MRPL48: variants seen among roughly 807,000 people sequenced by gnomAD.
The protein encoded by MRPL48 is mitochondrial ribosomal protein L48, also known as large ribosomal subunit protein mL48.
Under a neutral mutation model 32.9 loss-of-function variants are expected in MRPL48, and 16 were observed. That is an observed-to-expected ratio of 0.49 (90% CI 0.33 to 0.74). The LOEUF (loss-of-function observed/expected upper bound fraction) is 0.74, where lower values mean the gene tolerates loss of function less well. MRPL48 is among the 30% of genes least tolerant of loss of function. MRPL48 has a pLI of 0.02. For missense variants in MRPL48, 206 were observed against 245.3 expected, an observed-to-expected ratio of 0.84 and a Z score of 1.07; for synonymous variants, 94 against 89.2, an observed-to-expected ratio of 1.05 and a Z score of -0.31.
chr11:73,846,986 T>G (rs1590994747), intron 5 of MRPL48, among the ~76,000 whole-genome samples: 1 of 151,294 alleles, frequency 6.6e-6, no homozygotes, highest in African/African-American at 2.4e-5. Context: ...TTTTTTTTTT[T>G]GTCTCACTCT....
chr11:73,825,626 A>T, intron 3 of MRPL48, 82 bp from the exon 4 acceptor site: 1 of 1,229,766 alleles, frequency 8.1e-7, no homozygotes, highest in Non-Finnish European at 1.1e-6. Context: ...AGCTTGGGTG[A>T]CAGAGCAAGA....
chr11:73,790,717 G>T (rs1316408638), intron 1 of MRPL48, among the ~76,000 whole-genome samples: 1 of 151,336 alleles, frequency 6.6e-6, no homozygotes, highest in African/African-American at 2.4e-5. Flanking sequence ...AGTAGAGATG[G>T]GGTCTTGCTT....
At chr11:73,824,637 G>A (rs1435876576) in intron 3 of MRPL48, among the ~76,000 whole-genome samples, 4 of 151,862 alleles carry the variant, frequency 2.6e-5, no homozygotes, top group Admixed American at 2.6e-4. Context: ...CTCTTTGCTG[G>A]CTATTTTTGC....
chr11:73,824,372 G>T (rs1344843682), intron 3 of MRPL48, among the ~76,000 whole-genome samples: 3 of 151,822 alleles, frequency 2.0e-5, no homozygotes, highest in Non-Finnish European at 4.4e-5. Flanking sequence ...GGCGAATCAT[G>T]AGGTCAGTTC....
chr11:73,802,381 C>G (rs894979094), intron 1 of MRPL48, among the ~76,000 whole-genome samples: 1 of 152,132 alleles, frequency 6.6e-6, no homozygotes, highest in African/African-American at 2.4e-5. Flanking sequence ...AATTCAGTAG[C>G]TTTTATTATA....
At chr11:73,820,904 C>G (rs971195329) in intron 3 of MRPL48, among the ~76,000 whole-genome samples, 1 of 152,144 alleles carries the variant, frequency 6.6e-6, no homozygotes, top group Non-Finnish European at 1.5e-5. Flanking sequence ...TTCACAGAGG[C>G]CTTCCCTGAT....
intron 5 of MRPL48, among the ~76,000 whole-genome samples, chr11:73,853,913 A>G (rs1044227862): frequency 2.6e-5 from 4 of 151,844 alleles, no homozygotes; most frequent in Admixed American, 2.6e-4. Context: ...GATGGTCTTG[A>G]TCTCCTGACC....
At chr11:73,795,415 G>T (rs766460300) in intron 1 of MRPL48, among the ~76,000 whole-genome samples, 1 of 151,552 alleles carries the variant, frequency 6.6e-6, no homozygotes. Context: ...TTTTTTTAAA[G>T]TATAACAGCA....
rs1947067925 is a variant in MRPL48 at position 73,787,918 on chromosome 11, G to A, written c.-54G>A. 3.7e-6 allele frequency: 6 copies of A among 1,601,362 alleles called. No homozygotes were observed. Among genetic ancestry groups the A allele is most frequent in the African/African-American group, 1.3e-5 (1 of 74,512 alleles). ...TGTTTTCAGACGCCCTGGGAACGCG[G>A]CTGCAGGGTCCGGTCTTCGGTTTGC... On this transcript the variant is annotated 5_prime_UTR_variant, in exon 1 of 8. Transcript: ENST00000310614.
intron 5 of MRPL48, among the ~76,000 whole-genome samples, chr11:73,857,031 G>A (rs1948492450): frequency 6.6e-6 from 1 of 151,986 alleles, no homozygotes; most frequent in Non-Finnish European, 1.5e-5. Context: ...TGTCCCTATA[G>A]TATTCGGCAC....
intron 5 of MRPL48, among the ~76,000 whole-genome samples, chr11:73,859,431 G>A (rs1361759803): frequency 6.6e-6 from 1 of 151,864 alleles, no homozygotes; most frequent in African/African-American, 2.4e-5. Flanking sequence ...ACAGGTGTGT[G>A]CCACCACACC....
At chr11:73,835,140 C>CTT (rs35448499) in intron 4 of MRPL48, among the ~76,000 whole-genome samples, 20,503 of 108,308 alleles carry the variant, frequency 0.19, 3,263 homozygotes, top group African/African-American at 0.38. Flanking sequence ...GCCATGTTGT[C>CTT]TTTTTTTTTT....
intron 5 of MRPL48, among the ~76,000 whole-genome samples, chr11:73,856,359 G>A (rs962375722): frequency 1.3e-5 from 2 of 152,180 alleles, no homozygotes. Flanking sequence ...GGGTAGGGAT[G>A]ATTGCCATGA....
chr11:73,817,593 G>A (rs1434807890), intron 3 of MRPL48, among the ~76,000 whole-genome samples: 4 of 152,056 alleles, frequency 2.6e-5, no homozygotes, highest in Non-Finnish European at 5.9e-5. Flanking sequence ...TTACTAGTTG[G>A]TTGAACATAT....
Position 73,863,179 on chromosome 11 carries a change from GTTT to G in MRPL48, c.483_485del (p.Leu162del), listed in dbSNP as rs1218295164. 6.3e-7 allele frequency: 1 copy of G among 1,582,024 alleles called. No homozygotes were observed. Among genetic ancestry groups the G allele is most frequent in the Non-Finnish European group, 8.6e-7 (1 of 1,163,856 alleles). On this transcript the variant is annotated inframe_deletion, in exon 7 of 8. Transcript: ENST00000310614. ...CCTTCTTTCATTTTGCAGATCAGCGGTTTGAGTGCTACGTTTGCAGAAATTTTC... is the reference window on the plus strand; with the variant it reads ...CCTTCTTTCATTTTGCAGATCAGCGGGAGTGCTACGTTTGCAGAAATTTTC...
At chr11:73,805,736 G>C (rs1010969394) in intron 2 of MRPL48, among the ~76,000 whole-genome samples, 1 of 146,810 alleles carries the variant, frequency 6.8e-6, no homozygotes, top group Admixed American at 7.0e-5. Flanking sequence ...ACAGCTCACT[G>C]TAGCCTTGAC....
At chr11:73,804,414 G>A (rs1243927676) in intron 1 of MRPL48, among the ~76,000 whole-genome samples, 2 of 151,924 alleles carry the variant, frequency 1.3e-5, no homozygotes, top group Non-Finnish European at 2.9e-5. Flanking sequence ...GTAGCTGGGA[G>A]TACAGGCATG....
At chr11:73,825,923 C>A in intron 4 of MRPL48, 127 bp downstream of exon 4, 1 of 801,372 alleles carries the variant, frequency 1.2e-6, no homozygotes, top group Non-Finnish European at 1.9e-6. Context: ...CAATCCTTGC[C>A]AGTTATTAAT....
At chr11:73,822,781 A>T (rs565933458) in intron 3 of MRPL48, among the ~76,000 whole-genome samples, 1 of 152,196 alleles carries the variant, frequency 6.6e-6, no homozygotes, top group African/African-American at 2.4e-5. Flanking sequence ...GCAGGAAATG[A>T]GGGGCAGTTG....
Sources: allele counts gnomAD v4.1 joint callset (sites outside exome capture counted in the v4.1 genomes callset), GRCh38; gene constraint gnomAD v4.1.1; transcripts MANE v1.5; gene names NCBI Gene and HGNC (gene_info 2026-07-23, HGNC 2026-07-21).